The following AMDHD1 variants were observed in gnomAD, a reference collection of about 807,000 sequenced individuals.
AMDHD1 encodes the protein amidohydrolase domain containing 1.
In AMDHD1, 45 loss-of-function variants were observed where a neutral mutation model predicts 44.1. The ratio of observed to expected loss-of-function variants is 1.02; its 90% confidence interval spans 0.80 to 1.31. The LOEUF is 1.31. AMDHD1 is among the 50% of genes most tolerant of loss of function. The pLI is 0.00. For missense variants in AMDHD1, 586 were observed against 552.1 expected (o/e 1.06, Z -0.61); for synonymous variants, 206 against 205.0 (o/e 1.00, Z -0.04).
rs2080555933 is a variant in AMDHD1 at position 95,957,083 on chromosome 12, T to G, written c.587+121T>G. The stretch of plus-strand genomic sequence containing the variant: ...ATGGATAGAAGTCTTTGGAAAGACC[T>G]GATTCTAATGGCCACTCATCCCGCA... On this transcript the variant is annotated intron_variant, in intron 4 of 8. Coordinates refer to ENST00000266736, the MANE Select transcript of AMDHD1 (RefSeq NM_152435.3). The G allele has an allele frequency of 4.4e-6, 6 of 1,353,022 alleles. No individual in the cohort carries two copies. In the South Asian group the frequency reaches 8.1e-5, roughly 18 times the overall value. 83.8% of individuals were successfully genotyped at this position (1,353,022 alleles called of 1,614,324 possible). A position where few individuals can be genotyped will look rare whatever the true frequency, so the allele number is the denominator to read the frequency against.
In AMDHD1 at chr12:95,944,851, C is replaced by T. The variant is rs532777548; in HGVS notation, c.137+1316C>T. ...GTATCTTATAAAAATTATATCAATG[C>T]GACCAGGCACAGTGACTCACGCCTG... On this transcript the variant is annotated intron_variant, in intron 1 of 8. Coordinates refer to ENST00000266736, the MANE Select transcript of AMDHD1 (RefSeq NM_152435.3). Among the ~76,000 whole-genome samples the T allele has an allele frequency of 7.3e-4, 111 of 152,202 alleles. 1 individual carries two copies. The highest frequency in any genetic ancestry group is 2.5e-3 in the African/African-American group (104 of 41,534).
rs753388239 is a variant in AMDHD1, at chr12:95,960,634, CTT to C, written c.813+14_813+15del. 1.2e-6 allele frequency: 2 copies of C among 1,607,556 alleles called. No homozygotes were observed. Among genetic ancestry groups the C allele is most frequent in the South Asian group, 1.1e-5 (1 of 90,412 alleles). ...ATGAAGGCTGCTGAGGTGTGGTTGA[CTT>C]TTAGTTTTTCCCTCGTCAACATTCA... On this transcript the variant is annotated intron_variant, in intron 5 of 8. Transcript: ENST00000266736.
chr12:95,965,806 T>C, intron 7 of AMDHD1, 27 bp downstream of exon 7: 1 of 1,424,588 alleles, frequency 7.0e-7, no homozygotes, highest in Non-Finnish European at 9.8e-7. Context: ...TGTACCTTTC[T>C]GAGCAGAGTA....
At chr12:95,952,019 C>T (rs547880166) in intron 1 of AMDHD1, among the ~76,000 whole-genome samples, 212 of 152,242 alleles carry the variant, frequency 1.4e-3, no homozygotes, top group Admixed American at 2.8e-3. Context: ...ATTATTTTCT[C>T]CCATTCTGTG....
At chr12:95,947,494 A>C (rs1469221330) in intron 1 of AMDHD1, 1,047 of 57,736 alleles carry the variant, frequency 0.018, 29 homozygotes, top group African/African-American at 0.11. Context: ...AGCGTCTCCG[A>C]CCGGCAGCCA....
intron 7 of AMDHD1, 71 bp from the exon 8 acceptor site, chr12:95,966,277 T>A (rs747377365): frequency 4.5e-6 from 7 of 1,556,376 alleles, no homozygotes; most frequent in Non-Finnish European, 6.2e-6. Flanking sequence ...TGTTGTGCTG[T>A]GTTGAGAAAT....
At chr12:95,946,462 C>A (rs986292164) in intron 1 of AMDHD1, among the ~76,000 whole-genome samples, 2 of 151,946 alleles carry the variant, frequency 1.3e-5, no homozygotes, top group African/African-American at 4.8e-5. Context: ...TGGTTCAGAC[C>A]TCAAAGAGCT....
intron 6 of AMDHD1, among the ~76,000 whole-genome samples, chr12:95,964,739 T>G (rs1162625284): frequency 6.6e-6 from 1 of 152,106 alleles, no homozygotes; most frequent in Non-Finnish European, 1.5e-5. Flanking sequence ...AAATCTGTCC[T>G]CATTGCTTTA....
intron 6 of AMDHD1, among the ~76,000 whole-genome samples, chr12:95,964,370 T>C (rs1295744200): frequency 6.6e-6 from 1 of 152,238 alleles, no homozygotes; most frequent in Non-Finnish European, 1.5e-5. Context: ...CTTATGCTAC[T>C]TAAGGGCTTG....
intron 1 of AMDHD1, among the ~76,000 whole-genome samples, chr12:95,949,652 T>C (rs976741783): frequency 6.6e-6 from 1 of 152,220 alleles, no homozygotes; most frequent in Non-Finnish European, 1.5e-5. Flanking sequence ...TGTTTTCCTA[T>C]GCAAATAGAA....
intron 6 of AMDHD1, among the ~76,000 whole-genome samples, chr12:95,963,363 C>G (rs1445775198): frequency 6.6e-6 from 1 of 152,012 alleles, no homozygotes; most frequent in African/African-American, 2.4e-5. Context: ...AGGGTTGCTG[C>G]TAAACAGTCC....
In AMDHD1 at chr12:95,965,665, A is replaced by G. The variant is rs568278423; in HGVS notation, c.939-21A>G. 2.4e-5 allele frequency: 38 copies of G among 1,567,680 alleles called. 1 individual carries two copies. In the Admixed American group the frequency reaches 4.9e-4, roughly 20 times the overall value. ...AAAAGCTCCCATTCTAGAGACTGACATATTTTTTTCCTCCCCTTAGACTGA... is the reference window on the plus strand; with the variant it reads ...AAAAGCTCCCATTCTAGAGACTGACGTATTTTTTTCCTCCCCTTAGACTGA... On this transcript the variant is annotated intron_variant, in intron 6 of 8. Transcript: ENST00000266736.
In AMDHD1 at chr12:95,967,888, A is replaced by G. The variant is rs375557661; in HGVS notation, c.*45A>G. 4.0e-6 allele frequency: 5 copies of G among 1,256,892 alleles called. No individual in the cohort carries two copies. The highest frequency in any genetic ancestry group is 2.5e-5 in the East Asian group (1 of 39,450). 77.9% of individuals were successfully genotyped at this position (1,256,892 alleles called of 1,614,324 possible). On this transcript the variant is annotated 3_prime_UTR_variant, in exon 9 of 9. Coordinates refer to ENST00000266736, the MANE Select transcript of AMDHD1 (RefSeq NM_152435.3). The stretch of plus-strand genomic sequence containing the variant: ...CTTTTTGACTATATGAAATAAGTCA[A>G]TATAGTTATATTAAAAGTTAAAACA...
chr12:95,953,844 G>C (rs778412191), intron 2 of AMDHD1, among the ~76,000 whole-genome samples: 8 of 152,128 alleles, frequency 5.3e-5, no homozygotes, highest in Non-Finnish European at 1.2e-4. Flanking sequence ...GTCTCCCAAA[G>C]TGCTGGTATT....
intron 8 of AMDHD1, among the ~76,000 whole-genome samples, chr12:95,967,221 A>G (rs2080616026): frequency 6.6e-6 from 1 of 152,228 alleles, no homozygotes; most frequent in Non-Finnish European, 1.5e-5. Flanking sequence ...CTATCATGAG[A>G]ACAGCATGGG....
intron 4 of AMDHD1, among the ~76,000 whole-genome samples, chr12:95,958,731 C>G (rs2080564795): frequency 1.3e-5 from 2 of 152,156 alleles, no homozygotes; most frequent in Non-Finnish European, 2.9e-5. Flanking sequence ...AAATGCCACC[C>G]TATTCTATAT....
At chr12:95,961,144 CAA>C (rs3051622) in intron 5 of AMDHD1, among the ~76,000 whole-genome samples, 2 of 129,644 alleles carry the variant, frequency 1.5e-5, no homozygotes, top group East Asian at 2.2e-4. Context: ...GACTCCATCT[CAA>C]AAAAAAAAAG....
intron 1 of AMDHD1, 89 bp from the exon 2 acceptor site, chr12:95,952,628 A>G: frequency 2.3e-6 from 2 of 864,894 alleles, no homozygotes; most frequent in Middle Eastern, 3.3e-4. Flanking sequence ...AATTAACACC[A>G]AAGAATCTGA....
chr12:95,951,051 A>T (rs760045725), intron 1 of AMDHD1, among the ~76,000 whole-genome samples: 2 of 152,218 alleles, frequency 1.3e-5, no homozygotes, highest in Non-Finnish European at 2.9e-5. Flanking sequence ...GGTTTCCATC[A>T]TCTCAAGCAT....
Sources: gnomAD v4.1 joint callset for allele counts (sites outside exome capture counted in the v4.1 genomes callset) on GRCh38, gnomAD v4.1.1 for gene constraint, MANE v1.5 for transcripts, NCBI Gene and HGNC (gene_info 2026-07-23, HGNC 2026-07-21) for gene names.